The following LDB2 variants were observed in gnomAD, a reference collection of about 807,000 sequenced individuals.
The protein encoded by LDB2 is LIM domain-binding protein 2.
Under a neutral mutation model 44.3 loss-of-function variants are expected in LDB2, and 12 were observed. The observed-to-expected ratio is 0.27, with a 90% CI of 0.17 to 0.44. LDB2 has a LOEUF of 0.44. Ranked by LOEUF, LDB2 falls within the 20% of genes least tolerant of loss-of-function variation. The pLI is 1.00. For missense variants in LDB2, 344 were observed against 473.5 expected, an observed-to-expected ratio of 0.73 and a Z score of 2.54; for synonymous variants, 164 against 174.8, an observed-to-expected ratio of 0.94 and a Z score of 0.49.
chr4:16,880,770 G>T (rs1719831251), intron 1 of LDB2, among the ~76,000 whole-genome samples: 1 of 152,014 alleles, frequency 6.6e-6, no homozygotes, highest in African/African-American at 2.4e-5. Flanking sequence ...CGAGTGTGGT[G>T]GCGGGTGCCT....
chr4:16,694,061 G>A (rs1038023918), intron 2 of LDB2, among the ~76,000 whole-genome samples: 1 of 152,196 alleles, frequency 6.6e-6, no homozygotes, highest in Non-Finnish European at 1.5e-5. Flanking sequence ...GGGCTGCAAC[G>A]GACCCCTTCT....
chr4:16,701,520 TTAGCATATA>T (rs1753426565), intron 2 of LDB2, among the ~76,000 whole-genome samples: 1 of 152,214 alleles, frequency 6.6e-6, no homozygotes, highest in South Asian at 2.1e-4. Context: ...GGCTAAGCAT[TTAGCATATA>T]TAGCACCAAG....
chr4:16,637,339 C>G (rs927673951), intron 2 of LDB2, among the ~76,000 whole-genome samples: 5 of 116,356 alleles, frequency 4.3e-5, no homozygotes, highest in African/African-American at 1.6e-4. Flanking sequence ...TTCCTCTCCT[C>G]ATAGAGCAGG....
At chr4:16,597,213 G>A (rs913272849) in intron 2 of LDB2, among the ~76,000 whole-genome samples, 2 of 151,960 alleles carry the variant, frequency 1.3e-5, no homozygotes, top group African/African-American at 4.8e-5. Flanking sequence ...TGATTTTAAG[G>A]AATCCCCATA....
chr4:16,775,127 C>G (rs1396881899), intron 1 of LDB2, among the ~76,000 whole-genome samples: 2 of 152,144 alleles, frequency 1.3e-5, no homozygotes, highest in Admixed American at 1.3e-4. Context: ...ATTACCAAAG[C>G]TCTTTGTCCC....
At chr4:16,848,765 T>C (rs1244136232) in intron 1 of LDB2, among the ~76,000 whole-genome samples, 1 of 152,222 alleles carries the variant, frequency 6.6e-6, no homozygotes, top group Non-Finnish European at 1.5e-5. Flanking sequence ...GTCAGCCATA[T>C]CTGATATATC....
intron 5 of LDB2, among the ~76,000 whole-genome samples, chr4:16,561,253 A>G (rs1267751091): frequency 6.6e-6 from 1 of 152,182 alleles, no homozygotes; most frequent in African/African-American, 2.4e-5. Flanking sequence ...AAGGGCATTC[A>G]ATTAGGAAAA....
rs183630878 is a variant in LDB2 at position 16,784,770 on chromosome 4, G to A, written c.133-25510C>T. 1.9e-3 allele frequency among the ~76,000 whole-genome samples: 294 copies of A among 152,136 alleles called. 1 individual carries two copies. The highest frequency in any genetic ancestry group is 6.8e-3 in the African/African-American group (281 of 41,504). On this transcript the variant is annotated intron_variant, in intron 1 of 7. Coordinates refer to ENST00000304523, the MANE Select transcript of LDB2 (RefSeq NM_001290.5). ...TAGCCCACCACTCTCTCCTTCTTCC[G>A]CCTCCCAACAACTCTATCCTCTCTC...
chr4:16,677,569 C>A (rs1746649406), intron 2 of LDB2, among the ~76,000 whole-genome samples: 1 of 152,324 alleles, frequency 6.6e-6, no homozygotes, highest in Non-Finnish European at 1.5e-5. Flanking sequence ...TCCTGTTAGA[C>A]AAGACCCCTC....
chr4:16,884,299 T>C (rs1721015834), intron 1 of LDB2, among the ~76,000 whole-genome samples: 1 of 152,206 alleles, frequency 6.6e-6, no homozygotes, highest in Non-Finnish European at 1.5e-5. Context: ...GGGACTACTG[T>C]TGTCTCATTT....
At chr4:16,807,668 T>C (rs1298425169) in intron 1 of LDB2, among the ~76,000 whole-genome samples, 1 of 152,222 alleles carries the variant, frequency 6.6e-6, no homozygotes, top group Non-Finnish European at 1.5e-5. Flanking sequence ...AAGTCAGTTG[T>C]GGAGAAACAC....
At chr4:16,727,293 A>G (rs1400130070) in intron 2 of LDB2, among the ~76,000 whole-genome samples, 1 of 152,218 alleles carries the variant, frequency 6.6e-6, no homozygotes, top group Non-Finnish European at 1.5e-5. Context: ...TTTTCTGCAG[A>G]AAGGAAGAAA....
At position 16,881,581 on chromosome 4, in the gene LDB2, T is replaced by C. The variant is rs377589248; in HGVS notation, c.132+16773A>G. Among the ~76,000 whole-genome samples, 21 of 149,554 alleles carry C rather than the reference T, an allele frequency of 1.4e-4. No individual in the cohort carries two copies. In the East Asian group the frequency reaches 2.8e-3, roughly 20 times the overall value. ...TCCTAAAGTTCTCTCGATACTGTCA[T>C]TCGGGGAGGGGAATTTGGGCCTTTT... On this transcript the variant is annotated intron_variant, in intron 1 of 7. Transcript: ENST00000304523.
chr4:16,745,171 T>C (rs922277623), intron 2 of LDB2, among the ~76,000 whole-genome samples: 2 of 152,168 alleles, frequency 1.3e-5, no homozygotes, highest in Non-Finnish European at 2.9e-5. Flanking sequence ...CATTCTCTAA[T>C]TGGGTCATCC....
intron 2 of LDB2, among the ~76,000 whole-genome samples, chr4:16,615,457 G>C (rs762775696): frequency 2.6e-5 from 4 of 152,202 alleles, no homozygotes; most frequent in African/African-American, 7.2e-5. Flanking sequence ...CCTTTGCAGG[G>C]ACATGGATGA....
chr4:16,650,388 A>AT (rs1578475603), intron 2 of LDB2, among the ~76,000 whole-genome samples: 2 of 151,924 alleles, frequency 1.3e-5, no homozygotes, highest in Non-Finnish European at 1.5e-5. Context: ...GCTTGGTGTA[A>AT]TTTTTTCATT....
intron 2 of LDB2, among the ~76,000 whole-genome samples, chr4:16,746,937 C>T (rs904346185): frequency 6.6e-6 from 1 of 152,082 alleles, no homozygotes. Flanking sequence ...GCCACAAAGC[C>T]CAGAACTAGA....
At chr4:16,863,544 C>A (rs1713463167) in intron 1 of LDB2, among the ~76,000 whole-genome samples, 1 of 152,164 alleles carries the variant, frequency 6.6e-6, no homozygotes, top group Non-Finnish European at 1.5e-5. Context: ...ATTTCCCAAC[C>A]CCTCTGCAAG....
At chr4:16,661,028 G>A (rs1741426260) in intron 2 of LDB2, among the ~76,000 whole-genome samples, 1 of 152,100 alleles carries the variant, frequency 6.6e-6, no homozygotes. Flanking sequence ...ATAGACTTTT[G>A]ATTATAAAGC....
Sources: gnomAD v4.1 joint callset for allele counts (sites outside exome capture counted in the v4.1 genomes callset) on GRCh38, gnomAD v4.1.1 for gene constraint, MANE v1.5 for transcripts, NCBI Gene and HGNC (gene_info 2026-07-23, HGNC 2026-07-21) for gene names.